CHODL: variants seen among roughly 807,000 people sequenced by gnomAD.
CHODL encodes the protein transmembrane protein MT75.
In CHODL, 29 loss-of-function variants were observed where a neutral mutation model predicts 34.5. The observed-to-expected ratio is 0.84, with a 90% CI of 0.63 to 1.15. The LOEUF (loss-of-function observed/expected upper bound fraction) is 1.15, where lower values mean the gene tolerates loss of function less well. Among genes scored for constraint, CHODL ranks in the 50% most tolerant of loss-of-function variants. The pLI, the probability that CHODL is intolerant of heterozygous loss-of-function variation, is 0.00. For missense variants in CHODL, 332 were observed against 332.5 expected, an observed-to-expected ratio of 1.00 and a Z score of 0.01; for synonymous variants, 125 against 116.1, an observed-to-expected ratio of 1.08 and a Z score of -0.49.
At chr21:18,168,472 C>A (rs1425456223) in intron 2 of CHODL, among the ~76,000 whole-genome samples, 1 of 152,152 alleles carries the variant, frequency 6.6e-6, no homozygotes, top group African/African-American at 2.4e-5. Flanking sequence ...CATTCTAGTG[C>A]ATGTGAAGTG....
chr21:18,075,485 C>G (rs148992800), intron 2 of CHODL, among the ~76,000 whole-genome samples: 80 of 152,136 alleles, frequency 5.3e-4, no homozygotes, highest in African/African-American at 1.6e-3. Flanking sequence ...CCCTTCATCA[C>G]CACTCCTTAC....
intron 2 of CHODL, among the ~76,000 whole-genome samples, chr21:18,204,132 TG>T (rs574885516): frequency 6.6e-6 from 1 of 152,252 alleles, no homozygotes; most frequent in South Asian, 2.1e-4. Flanking sequence ...TAAAGTCTAT[TG>T]TTATACATTT....
intron 1 of CHODL, among the ~76,000 whole-genome samples, chr21:18,000,659 A>G (rs1419007695): frequency 6.6e-6 from 1 of 152,196 alleles, no homozygotes; most frequent in African/African-American, 2.4e-5. Context: ...TCCTTGGGTC[A>G]TAAGAAAAAA....
At position 18,185,350 on chromosome 21, in the gene CHODL, A is replaced by G. The variant is rs190742272; in HGVS notation, c.-44-71159A>G. Among the ~76,000 whole-genome samples the G allele has an allele frequency of 3.3e-5, 5 of 151,772 alleles. No homozygotes were observed. The East Asian group carries it at 9.7e-4, about 30-fold the overall frequency. ...GTTCATGTCCCTGAAAAGGACATGA[A>G]CTCATTCTTTTTTATGGCTGCATAG... On this transcript the variant is annotated intron_variant, in intron 2 of 6. Coordinates refer to the CHODL transcript ENST00000400127.
intron 1 of CHODL, among the ~76,000 whole-genome samples, chr21:17,927,007 G>T (rs978572757): frequency 6.9e-6 from 1 of 143,900 alleles, no homozygotes; most frequent in Non-Finnish European, 1.5e-5. Context: ...CACACACACA[G>T]ACATACACAC....
chr21:18,022,250 C>T (rs1285864420), intron 1 of CHODL: 5 of 152,178 alleles, frequency 3.3e-5, no homozygotes, highest in Non-Finnish European at 7.4e-5. Context: ...TTGAATCTTT[C>T]GGCTTCTGCT....
intron 2 of CHODL, among the ~76,000 whole-genome samples, chr21:18,229,932 A>G (rs1336903124): frequency 2.6e-5 from 4 of 152,142 alleles, no homozygotes; most frequent in Non-Finnish European, 5.9e-5. Flanking sequence ...CCCAAAGCCA[A>G]TACCATGAAT....
intron 2 of CHODL, among the ~76,000 whole-genome samples, chr21:18,070,037 C>CG (rs1444687991): frequency 1.7e-5 from 1 of 59,772 alleles, no homozygotes; most frequent in African/African-American, 4.2e-5. Flanking sequence ...CCCCCCCCCA[C>CG]CCATTTCCTT....
At chr21:18,097,772 C>CA (rs1316509154) in intron 2 of CHODL, among the ~76,000 whole-genome samples, 2 of 151,918 alleles carry the variant, frequency 1.3e-5, no homozygotes, top group African/African-American at 4.8e-5. Flanking sequence ...ATACCTTGAG[C>CA]AAAAAGAACA....
At chr21:18,135,200 A>T (rs1735287) in intron 2 of CHODL, among the ~76,000 whole-genome samples, 103,122 of 152,090 alleles carry the variant, frequency 0.68, 35,660 homozygotes, top group Non-Finnish European at 0.76. Flanking sequence ...ATTCTATTTC[A>T]TCCTGTTACA....
chr21:18,160,895 G>A (rs899322920), intron 2 of CHODL, among the ~76,000 whole-genome samples: 15 of 152,160 alleles, frequency 9.9e-5, no homozygotes, highest in African/African-American at 3.6e-4. Context: ...TTAGGTCTTT[G>A]AGAAATCGCC....
chr21:18,195,239 A>G (rs767124590), intron 2 of CHODL, among the ~76,000 whole-genome samples: 6 of 151,964 alleles, frequency 3.9e-5, no homozygotes, highest in Non-Finnish European at 8.8e-5. Context: ...TATTTTTAGT[A>G]GAGATGGGGA....
intron 2 of CHODL, 73 bp from the exon 3 acceptor site, chr21:18,256,897 G>T: frequency 6.3e-7 from 1 of 1,584,164 alleles, no homozygotes; most frequent in Non-Finnish European, 8.6e-7. Context: ...ACCTGTAGAG[G>T]ATGTCAGAGT....
chr21:17,927,126 ATATATATGTATATATG>A (rs200122044), intron 1 of CHODL, among the ~76,000 whole-genome samples: 2 of 113,362 alleles, frequency 1.8e-5, no homozygotes, highest in South Asian at 3.3e-4. Context: ...GTATATATGT[ATATATATGTATATATG>A]TATATATGTA....
chr21:18,013,635 C>CTTTTTGTTTTTTTTTTTTTTT (rs2064040926), intron 1 of CHODL, among the ~76,000 whole-genome samples: 2 of 71,894 alleles, frequency 2.8e-5, no homozygotes, highest in Non-Finnish European at 2.5e-5. Context: ...GCTGCTGCTG[C>CTTTTTGTTTTTTTTTTTTTTT]TTTTTTTTTT....
chr21:18,123,514 T>C (rs205690), intron 2 of CHODL, among the ~76,000 whole-genome samples: 95,194 of 151,932 alleles, frequency 0.63, 32,024 homozygotes, highest in East Asian at 0.9. Flanking sequence ...GCTGGAAGTC[T>C]AAGAGCATGG....
At chr21:18,260,630 T>C (rs1017323272) in intron 4 of CHODL, among the ~76,000 whole-genome samples, 12 of 151,990 alleles carry the variant, frequency 7.9e-5, no homozygotes. Context: ...CTGAGCAACC[T>C]GGTGAGACCC....
At chr21:18,058,149 G>A (rs1474564437) in intron 2 of CHODL, among the ~76,000 whole-genome samples, 1 of 151,910 alleles carries the variant, frequency 6.6e-6, no homozygotes, top group Non-Finnish European at 1.5e-5. Context: ...TTCTCACAAT[G>A]AGAGATCATC....
intron 5 of CHODL, among the ~76,000 whole-genome samples, chr21:18,263,321 A>G (rs2074405135): frequency 6.6e-6 from 1 of 152,196 alleles, no homozygotes; most frequent in African/African-American, 2.4e-5. Flanking sequence ...TTGTAGGTTC[A>G]TTTTGTATTA....
Sources: allele counts gnomAD v4.1 joint callset (sites outside exome capture counted in the v4.1 genomes callset), GRCh38; gene constraint gnomAD v4.1.1; transcripts MANE v1.5; gene names NCBI Gene and HGNC (gene_info 2026-07-23, HGNC 2026-07-21).